The following ZNF273 variants were observed in gnomAD, a reference collection of about 807,000 sequenced individuals.
ZNF273 encodes the protein zinc finger protein 9.
A neutral mutation model predicts 14.9 loss-of-function variants in ZNF273; 11 were observed. The ratio of observed to expected loss-of-function variants is 0.74; its 90% CI spans 0.46 to 1.22. The LOEUF is 1.22. Among genes scored for constraint, ZNF273 ranks in the 50% most tolerant of loss-of-function variants. ZNF273 has a pLI of 0.00. For missense variants in ZNF273, 577 were observed against 660.6 expected (o/e 0.87, Z 1.39); for synonymous variants, 199 against 223.9 (o/e 0.89, Z 0.99).
At chr7:64,923,466 C>T (rs552756269) in intron 3 of ZNF273, 5 of 429,298 alleles carry the variant, frequency 1.2e-5, no homozygotes, top group Admixed American at 2.8e-5. Context: ...CTCAGCCTCC[C>T]GAGTAGCTGG....
At chr7:64,922,972 A>T (rs569530435) in intron 3 of ZNF273, among the ~76,000 whole-genome samples, 16 of 148,786 alleles carry the variant, frequency 1.1e-4, no homozygotes, top group South Asian at 4.2e-4. Context: ...TCTCAAAATT[A>T]AAAAAAAAGA....
chr7:64,883,872 T>C (rs1008115375), downstream of ZNF273, among the ~76,000 whole-genome samples: 3 of 152,220 alleles, frequency 2.0e-5, no homozygotes, highest in African/African-American at 7.2e-5. Context: ...ACGACCCTCA[T>C]GGGGACCATT....
At chr7:64,879,189 A>G (rs879301400) in intron 2 of ZNF273, among the ~76,000 whole-genome samples, 3 of 152,156 alleles carry the variant, frequency 2.0e-5, no homozygotes, top group Non-Finnish European at 2.9e-5. Context: ...CCGTGGATGT[A>G]GTTGGCTGCC....
rs1202853474 is a variant in ZNF273 at position 64,912,478 on chromosome 7, C to T, written c.103-5103C>T. Among the ~76,000 whole-genome samples the T allele has an allele frequency of 5.9e-5, 9 of 151,262 alleles. No homozygotes were observed. The East Asian group carries it at 1.8e-3, about 30-fold the overall frequency. ...TTTATTCATGTGCACTCATGAATAA[C>T]ACCTCTTTTCTTCTGTTCCCCCCAC... On this transcript the variant is annotated intron_variant, in intron 1 of 3. Transcript: ENST00000476120.
At chr7:64,909,870 T>TA (rs1793371252) in intron 1 of ZNF273, among the ~76,000 whole-genome samples, 1 of 152,154 alleles carries the variant, frequency 6.6e-6, no homozygotes, top group Non-Finnish European at 1.5e-5. Context: ...TTTGTCTTTT[T>TA]ATTAATAGCC....
At chr7:64,934,296 T>C (rs1473981384), downstream of ZNF273, among the ~76,000 whole-genome samples, 2 of 152,170 alleles carry the variant, frequency 1.3e-5, no homozygotes, top group Non-Finnish European at 2.9e-5. Flanking sequence ...TTGTATCAGA[T>C]TTTTTTCAAC....
chr7:64,917,701 T>C lies in ZNF273; in HGVS notation c.223T>C (p.Phe75Leu). 6.3e-7 allele frequency: 1 copy of C among 1,588,916 alleles called. No individual in the cohort carries two copies. Among genetic ancestry groups the C allele is most frequent in the Non-Finnish European group, 8.6e-7 (1 of 1,166,366 alleles). Residue 75 changes from phenylalanine (F) to leucine (L), a missense_variant, in exon 2 of 4, where the codon TTC becomes CTC. Coordinates refer to ENST00000476120, the MANE Select transcript of ZNF273 (RefSeq NM_021148.3). ...GTTAGATAACTACAGAAACCTGGTCTTCCTGGGTGAGGATAATTTTAATAC... is the reference window on the plus strand; with the variant it reads ...GTTAGATAACTACAGAAACCTGGTCCTCCTGGGTGAGGATAATTTTAATAC... ...VMLDNYRNLV[F>L]LGIAVSKPDL...
intron 1 of ZNF273, among the ~76,000 whole-genome samples, chr7:64,910,110 T>C (rs10276867): frequency 0.42 from 63,309 of 151,882 alleles, 13,413 homozygotes; most frequent in South Asian, 0.45. Flanking sequence ...ATATTTTCTA[T>C]TGTTCTGTAG....
At chr7:64,931,398 A>G (rs1213631878), downstream of ZNF273, among the ~76,000 whole-genome samples, 2 of 152,024 alleles carry the variant, frequency 1.3e-5, no homozygotes, top group Non-Finnish European at 1.5e-5. Flanking sequence ...TTTTCTTACA[A>G]TTTCTTTTAC....
chr7:64,913,268 TG>T (rs1392333064), intron 1 of ZNF273, among the ~76,000 whole-genome samples: 1 of 152,266 alleles, frequency 6.6e-6, no homozygotes, highest in Non-Finnish European at 1.5e-5. Flanking sequence ...GTCTATATTT[TG>T]TTTTTATTCT....
chr7:64,886,120 C>T (rs548660715), intron 1 of ZNF273, among the ~76,000 whole-genome samples: 34 of 152,320 alleles, frequency 2.2e-4, no homozygotes, highest in Non-Finnish European at 4.0e-4. Flanking sequence ...GCAGCTTCCT[C>T]ACTTATTCAG....
chr7:64,914,180 G>GTTTTTTTTTTTTTT (rs1793773323), intron 1 of ZNF273, among the ~76,000 whole-genome samples: 1 of 63,072 alleles, frequency 1.6e-5, no homozygotes. Context: ...GGTAATTTTT[G>GTTTTTTTTTTTTTT]TATTTTTTTT....
intron 1 of ZNF273, among the ~76,000 whole-genome samples, chr7:64,914,186 T>G (rs1484490221): frequency 1.7e-5 from 2 of 114,792 alleles, no homozygotes; most frequent in South Asian, 3.0e-4. Context: ...TTTTGTATTT[T>G]TTTTTTTTTT....
chr7:64,905,007 G>T (rs1453726607), intron 1 of ZNF273, among the ~76,000 whole-genome samples: 1 of 151,904 alleles, frequency 6.6e-6, no homozygotes, highest in East Asian at 1.9e-4. Context: ...GTGAATATCA[G>T]CTCCTGGGTC....
intron 3 of ZNF273, among the ~76,000 whole-genome samples, chr7:64,919,405 G>A (rs1392000190): frequency 6.6e-6 from 1 of 152,080 alleles, no homozygotes; most frequent in Non-Finnish European, 1.5e-5. Flanking sequence ...CATGTTGGGA[G>A]GCTGAGGCGG....
chr7:64,930,344 G>A lies in ZNF273; in HGVS notation c.*1306G>A, dbSNP rs1307929348. 3 of 152,128 alleles carry A rather than the reference G, an allele frequency of 2.0e-5. No individual in the cohort carries two copies. Among genetic ancestry groups the A allele is most frequent in the African/African-American group, 7.2e-5 (3 of 41,420 alleles). The allele number at this position is 152,128 out of a possible 1,614,324, so 9.4% of individuals were successfully genotyped here. On this transcript the variant is annotated 3_prime_UTR_variant, in exon 4 of 4. Transcript: ENST00000476120. The stretch of plus-strand genomic sequence containing the variant: ...AAATCTAAGTAGAGAGGCTCTTGTG[G>A]TTAACTGATAATATTGAGTGATGCA...
chr7:64,912,220 A>G (rs973424412), intron 1 of ZNF273, among the ~76,000 whole-genome samples: 7 of 152,148 alleles, frequency 4.6e-5, no homozygotes, highest in African/African-American at 1.7e-4. Context: ...CGGCCTCCCA[A>G]AGTATGGGGA....
At chr7:64,917,883 T>C (rs1225707590) in intron 2 of ZNF273, among the ~76,000 whole-genome samples, 176 bp downstream of exon 2, 1 of 152,184 alleles carries the variant, frequency 6.6e-6, no homozygotes, top group Non-Finnish European at 1.5e-5. Flanking sequence ...ACTTGAACTT[T>C]CCACGTTCTT....
downstream of ZNF273, among the ~76,000 whole-genome samples, chr7:64,934,433 G>A (rs1001395689): frequency 2.0e-5 from 3 of 152,012 alleles, no homozygotes; most frequent in South Asian, 2.1e-4. Context: ...TATATTTTTT[G>A]TAGTAGTTTC....
Sources: allele counts gnomAD v4.1 joint callset (sites outside exome capture counted in the v4.1 genomes callset), GRCh38; gene constraint gnomAD v4.1.1; transcripts MANE v1.5; gene names NCBI Gene and HGNC (gene_info 2026-07-23, HGNC 2026-07-21).